The following SHC4 variants were observed in gnomAD, a reference collection of about 807,000 sequenced individuals.
SHC4 encodes the protein SHC adaptor protein 4.
Under a neutral mutation model 69.4 loss-of-function variants are expected in SHC4, and 41 were observed. The ratio of observed to expected loss-of-function variants is 0.59; its 90% confidence interval spans 0.46 to 0.77. SHC4 has a LOEUF of 0.77. SHC4 is among the 30% of genes least tolerant of loss of function. The pLI, the probability that SHC4 is intolerant of heterozygous loss-of-function variation, is 0.00. For missense variants in SHC4, 777 were observed against 783.8 expected (o/e 0.99, Z 0.10); for synonymous variants, 318 against 299.3 (o/e 1.06, Z -0.64).
intron 1 of SHC4, among the ~76,000 whole-genome samples, chr15:48,943,470 A>G (rs150000905): frequency 2.8e-4 from 43 of 152,302 alleles, no homozygotes; most frequent in African/African-American, 9.9e-4. Flanking sequence ...TTCATTGTAT[A>G]TATACCACAA....
At chr15:48,912,057 G>A (rs1900517513) in intron 2 of SHC4, among the ~76,000 whole-genome samples, 1 of 152,058 alleles carries the variant, frequency 6.6e-6, no homozygotes, top group South Asian at 2.1e-4. Flanking sequence ...CTTTGACAAT[G>A]TGCCTAGGCA....
intron 4 of SHC4, chr15:48,876,411 C>T: frequency 2.7e-6 from 1 of 373,980 alleles, no homozygotes; most frequent in Non-Finnish European, 4.7e-6. Context: ...AGTCATGGTT[C>T]TCTAGAAGCA....
chr15:48,838,327 C>T (rs1251615701), intron 10 of SHC4, among the ~76,000 whole-genome samples: 1 of 152,066 alleles, frequency 6.6e-6, no homozygotes, highest in East Asian at 1.9e-4. Flanking sequence ...CGCAAAAGGA[C>T]CATGAGTATT....
At chr15:48,894,181 T>G (rs1252250376) in intron 2 of SHC4, among the ~76,000 whole-genome samples, 7 of 152,186 alleles carry the variant, frequency 4.6e-5, no homozygotes, top group Admixed American at 4.6e-4. Flanking sequence ...TGCAACAGTA[T>G]GTACACATTG....
At chr15:48,873,804 A>G (rs1899742286) in intron 4 of SHC4, among the ~76,000 whole-genome samples, 1 of 152,174 alleles carries the variant, frequency 6.6e-6, no homozygotes, top group South Asian at 2.1e-4. Context: ...TACACTTTGT[A>G]AGAGTACTTT....
intron 1 of SHC4, among the ~76,000 whole-genome samples, chr15:48,948,349 G>A (rs193003815): frequency 2.6e-5 from 4 of 152,324 alleles, no homozygotes; most frequent in East Asian, 3.9e-4. Flanking sequence ...AATAGGAAAC[G>A]CATTGTGAGA....
Position 48,869,550 on chromosome 15 carries a change from C to T in SHC4, c.895-1681G>A, listed in dbSNP as rs115266309. ...TGCCAGGACCTGCGCTAACACTAACCATGTATCATTTCACTTAATTCCCAC... is the reference window on the plus strand; with the variant it reads ...TGCCAGGACCTGCGCTAACACTAACTATGTATCATTTCACTTAATTCCCAC... On this transcript the variant is annotated intron_variant, in intron 5 of 11. Coordinates refer to ENST00000332408, the MANE Select transcript of SHC4 (RefSeq NM_203349.4). Among the ~76,000 whole-genome samples, 912 of 152,266 alleles carry T rather than the reference C, an allele frequency of 6.0e-3. 6 individuals carry two copies. The highest frequency in any genetic ancestry group is 0.018 in the African/African-American group (763 of 41,558).
chr15:48,922,158 A>G (rs1900763741), intron 2 of SHC4, among the ~76,000 whole-genome samples: 2 of 152,180 alleles, frequency 1.3e-5, no homozygotes, highest in African/African-American at 4.8e-5. Context: ...CCTATCTGAA[A>G]GTAGATTGCT....
chr15:48,929,684 G>A (rs2413922), intron 1 of SHC4, among the ~76,000 whole-genome samples: 55,601 of 152,150 alleles, frequency 0.37, 10,733 homozygotes, highest in Middle Eastern at 0.58. Flanking sequence ...GCAGATGTGA[G>A]TCCAAACTGC....
At chr15:48,929,367 C>A (rs1034166733) in intron 1 of SHC4, among the ~76,000 whole-genome samples, 6 of 152,194 alleles carry the variant, frequency 3.9e-5, no homozygotes, top group South Asian at 2.1e-4. Flanking sequence ...GAAACCTGGC[C>A]CCATTCAGAT....
At position 48,825,799 on chromosome 15, in the gene SHC4, C is replaced by T. The variant is rs552119695; in HGVS notation, c.*172G>A. ...CTTTTCTGATTTTCATTTCTGAAGA[C>T]TAATTTTTGTTAGTTCTTCATTTTA... On this transcript the variant is annotated 3_prime_UTR_variant, in exon 12 of 12. Transcript: ENST00000332408. The T allele has an allele frequency of 1.4e-6, 1 of 715,522 alleles. No individual in the cohort carries two copies. The highest frequency in any genetic ancestry group is 1.8e-5 in the African/African-American group (1 of 55,328). The allele number at this position is 715,522 out of a possible 1,614,324, so 44.3% of individuals were successfully genotyped here.
Position 48,845,764 on chromosome 15 carries a change from T to G in SHC4, c.1304-2176A>C, listed in dbSNP as rs75457122. On this transcript the variant is annotated intron_variant, in intron 9 of 11. Coordinates refer to ENST00000332408, the MANE Select transcript of SHC4 (RefSeq NM_203349.4). Reference sequence around the variant, plus strand: ...ATGCATACTAGACCTTGAGATATTATCTAATGATAGCATCCAGCTGTTGTA... The same window carrying G: ...ATGCATACTAGACCTTGAGATATTAGCTAATGATAGCATCCAGCTGTTGTA... 0.023 allele frequency among the ~76,000 whole-genome samples: 3,507 copies of G among 152,324 alleles called. 261 individuals carry two copies. The East Asian group carries it at 0.29, about 13-fold the overall frequency.
intron 2 of SHC4, among the ~76,000 whole-genome samples, chr15:48,916,660 T>G (rs550172428): frequency 3.3e-5 from 5 of 151,310 alleles, no homozygotes; most frequent in Non-Finnish European, 7.4e-5. Context: ...AGAAAATGAA[T>G]CCGAAGCCAG....
intron 4 of SHC4, chr15:48,876,793 C>T (rs983891420): frequency 3.0e-5 from 12 of 399,442 alleles, no homozygotes; most frequent in South Asian, 1.8e-4. Context: ...GTCTGCCTTT[C>T]GCAGCCCACT....
intron 5 of SHC4, among the ~76,000 whole-genome samples, chr15:48,869,251 T>C (rs1355858741): frequency 6.6e-6 from 1 of 152,204 alleles, no homozygotes; most frequent in East Asian, 1.9e-4. Context: ...AACAACTGTT[T>C]TCAGGGCTGA....
At chr15:48,854,630 T>C (rs1567053418) in intron 8 of SHC4, among the ~76,000 whole-genome samples, 1 of 152,198 alleles carries the variant, frequency 6.6e-6, no homozygotes, top group East Asian at 1.9e-4. Context: ...TGGAATACTA[T>C]GCAGCCACAA....
intron 2 of SHC4, among the ~76,000 whole-genome samples, chr15:48,901,196 A>G (rs1437451723): frequency 6.6e-6 from 1 of 152,224 alleles, no homozygotes; most frequent in Non-Finnish European, 1.5e-5. Context: ...ATCAGGTAGC[A>G]GGTGGGATTT....
In SHC4 at chr15:48,946,528, G is replaced by C. The variant is rs370603485; in HGVS notation, c.585+15903C>G. 191 of 949,358 alleles carry C rather than the reference G, an allele frequency of 2.0e-4. No homozygotes were observed. The African/African-American group carries it at 2.9e-3, about 15-fold the overall frequency. 58.8% of individuals were successfully genotyped at this position (949,358 alleles called of 1,614,324 possible). On this transcript the variant is annotated intron_variant, in intron 1 of 11. Coordinates refer to ENST00000332408, the MANE Select transcript of SHC4 (RefSeq NM_203349.4). ...CTCCTCTTCCTCCTTCTTTTCTTAA[G>C]TGACAGCCTAGTTGTAAAATCGGAT... is the stretch of plus-strand genomic sequence containing the variant.
At chr15:48,923,657 T>TTA (rs1555436994) in intron 2 of SHC4, among the ~76,000 whole-genome samples, 1 of 140,732 alleles carries the variant, frequency 7.1e-6, no homozygotes, top group Admixed American at 7.1e-5. Flanking sequence ...TTTTTTTTTT[T>TTA]ATGAGTCAGG....
Sources: gnomAD v4.1 joint callset for allele counts (sites outside exome capture counted in the v4.1 genomes callset) on GRCh38, gnomAD v4.1.1 for gene constraint, MANE v1.5 for transcripts, NCBI Gene and HGNC (gene_info 2026-07-23, HGNC 2026-07-21) for gene names.